The following CCDC91 variants were observed in gnomAD, a reference collection of about 807,000 sequenced individuals.
CCDC91 encodes the protein coiled-coil domain containing 91.
CCDC91 carries 48 observed loss-of-function variants against 63.2 expected under a neutral mutation model. That is an observed-to-expected ratio of 0.76 (90% CI 0.60 to 0.97). The LOEUF (loss-of-function observed/expected upper bound fraction) is 0.97, where lower values mean the gene tolerates loss of function less well. Ranked by LOEUF, CCDC91 falls within the 50% of genes least tolerant of loss-of-function variation. The pLI is 0.00. For missense variants in CCDC91, 500 were observed against 494.6 expected, an observed-to-expected ratio of 1.01 and a Z score of -0.10; for synonymous variants, 167 against 165.8, an observed-to-expected ratio of 1.01 and a Z score of -0.06.
In CCDC91 at chr12:28,459,774, ACTCT is replaced by A. The variant is rs1404126158; in HGVS notation, c.1101+7126_1101+7129del. On this transcript the variant is annotated intron_variant, in intron 11 of 12. Transcript: ENST00000536442. ...TTTTTAGGTCATAGTAAAGTAGTAC[ACTCT>A]CTCTCACTGGTCAAACGGAAGCATT... 9.2e-5 allele frequency among the ~76,000 whole-genome samples: 14 copies of A among 152,164 alleles called. No individual in the cohort carries two copies. In the East Asian group the frequency reaches 1.2e-3, roughly 13 times the overall value.
intron 7 of CCDC91, among the ~76,000 whole-genome samples, chr12:28,365,176 T>G (rs1944193733): frequency 6.6e-6 from 1 of 152,222 alleles, no homozygotes; most frequent in Non-Finnish European, 1.5e-5. Flanking sequence ...TTTACATTTC[T>G]CTTTAACTGA....
chr12:28,281,036 C>G (rs1948580688), intron 3 of CCDC91, among the ~76,000 whole-genome samples: 1 of 152,016 alleles, frequency 6.6e-6, no homozygotes, highest in Non-Finnish European at 1.5e-5. Flanking sequence ...GAGACTTGTA[C>G]TGTCCATTTT....
In CCDC91 at chr12:28,450,334, T is replaced by G. The variant is rs1316816391; in HGVS notation, c.856-16T>G. The G allele has an allele frequency of 6.2e-7, 1 of 1,608,856 alleles. No homozygotes were observed. The highest frequency in any genetic ancestry group is 8.5e-7 in the Non-Finnish European group (1 of 1,175,668). ...AATACATTTAATGTCTTTCCAACTG[T>G]TTTATCATTTGACAGGAAATATTGG... On this transcript the variant is annotated splice_polypyrimidine_tract_variant and intron_variant, in intron 9 of 12. Transcript: ENST00000536442.
chr12:28,257,150 A>T, intron 1 of CCDC91, 52 bp from the exon 2 acceptor site: 1 of 1,042,668 alleles, frequency 9.6e-7, no homozygotes, highest in Non-Finnish European at 1.5e-6. Context: ...GAGTATTTTG[A>T]CATAAATGAC....
At chr12:28,512,636 G>A (rs145902024) in intron 12 of CCDC91, among the ~76,000 whole-genome samples, 5 of 151,876 alleles carry the variant, frequency 3.3e-5, no homozygotes, top group African/African-American at 1.2e-4. Flanking sequence ...TTGAGTAGTT[G>A]TGATGGTGAC....
intron 6 of CCDC91, among the ~76,000 whole-genome samples, chr12:28,353,942 G>T (rs1292568755): frequency 6.6e-6 from 1 of 152,006 alleles, no homozygotes; most frequent in Non-Finnish European, 1.5e-5. Context: ...ACAACGAATG[G>T]GTAGTAGGCT....
At chr12:28,302,670 G>A (rs1592250230) in intron 3 of CCDC91, 5 of 981,994 alleles carry the variant, frequency 5.1e-6, no homozygotes, top group Non-Finnish European at 6.0e-6. Flanking sequence ...GCACTTAGTG[G>A]TATCATTTCT....
intron 6 of CCDC91, among the ~76,000 whole-genome samples, chr12:28,353,695 A>G (rs1943333332): frequency 6.6e-6 from 1 of 152,216 alleles, no homozygotes; most frequent in South Asian, 2.1e-4. Flanking sequence ...TGATATGGGC[A>G]TGGTTTGTGG....
At chr12:28,509,701 A>T (rs970515552) in intron 12 of CCDC91, among the ~76,000 whole-genome samples, 1 of 151,900 alleles carries the variant, frequency 6.6e-6, no homozygotes, top group African/African-American at 2.4e-5. Context: ...ATAGCCAGCT[A>T]GGTACTATTC....
At chr12:28,467,309 G>A (rs1950595406) in intron 11 of CCDC91, among the ~76,000 whole-genome samples, 1 of 152,160 alleles carries the variant, frequency 6.6e-6, no homozygotes, top group South Asian at 2.1e-4. Context: ...AAATGAGCAG[G>A]AGTAGCTATG....
chr12:28,480,081 CA>C lies in CCDC91; in HGVS notation c.1102-3969del, dbSNP rs537898053. On this transcript the variant is annotated intron_variant, in intron 11 of 12. Coordinates refer to ENST00000536442, the MANE Select transcript of CCDC91 (RefSeq NM_018318.5). ...AGCCTTTCTTTCTTTCCACTTTTCC[CA>C]AGAGAGCCTTCATCTGTAGCCAGAA... 1.7e-4 allele frequency among the ~76,000 whole-genome samples: 26 copies of C among 152,088 alleles called. No homozygotes were observed. In the South Asian group the frequency reaches 3.9e-3, roughly 23 times the overall value.
chr12:28,461,680 C>G (rs1950317895), intron 11 of CCDC91, among the ~76,000 whole-genome samples: 1 of 151,878 alleles, frequency 6.6e-6, no homozygotes, highest in African/African-American at 2.4e-5. Context: ...TAAAGCATGA[C>G]TTTTATATTT....
chr12:28,527,277 A>T (rs1941342118), intron 12 of CCDC91, among the ~76,000 whole-genome samples: 1 of 152,032 alleles, frequency 6.6e-6, no homozygotes, highest in Non-Finnish European at 1.5e-5. Flanking sequence ...TGTTCAGATT[A>T]TTTTGTCCCA....
At chr12:28,360,625 G>A (rs1366069825) in intron 6 of CCDC91, among the ~76,000 whole-genome samples, 1 of 152,012 alleles carries the variant, frequency 6.6e-6, no homozygotes, top group Non-Finnish European at 1.5e-5. Context: ...TATGTCACTA[G>A]GTTTAATTTG....
At chr12:28,207,024 A>C (rs2135464395) in intron 1 of CCDC91, among the ~76,000 whole-genome samples, 1 of 152,356 alleles carries the variant, frequency 6.6e-6, no homozygotes, top group African/African-American at 2.4e-5. Flanking sequence ...TTCATCTTTT[A>C]TCTCTCAAAG....
chr12:28,209,839 C>CT (rs1241381238), intron 1 of CCDC91, among the ~76,000 whole-genome samples: 1 of 152,194 alleles, frequency 6.6e-6, no homozygotes, highest in African/African-American at 2.4e-5. Flanking sequence ...CCCATGCTTT[C>CT]TTATAATCTT....
intron 1 of CCDC91, among the ~76,000 whole-genome samples, chr12:28,243,419 A>G (rs1357564044): frequency 1.3e-5 from 2 of 152,254 alleles, no homozygotes; most frequent in East Asian, 3.8e-4. Context: ...TGCCAAGGCA[A>G]CATAAAATTA....
chr12:28,334,485 A>G (rs1406424043), intron 6 of CCDC91, among the ~76,000 whole-genome samples: 1 of 152,104 alleles, frequency 6.6e-6, no homozygotes, highest in Non-Finnish European at 1.5e-5. Flanking sequence ...TGCCTATGGC[A>G]TCCTTTGTCT....
At chr12:28,286,206 C>G (rs1249746222) in intron 3 of CCDC91, among the ~76,000 whole-genome samples, 2 of 151,628 alleles carry the variant, frequency 1.3e-5, no homozygotes, top group East Asian at 3.9e-4. Flanking sequence ...TAAAATAAAG[C>G]TTCTTTTTAA....
Sources: gnomAD v4.1 joint callset for allele counts (sites outside exome capture counted in the v4.1 genomes callset) on GRCh38, gnomAD v4.1.1 for gene constraint, MANE v1.5 for transcripts, NCBI Gene and HGNC (gene_info 2026-07-23, HGNC 2026-07-21) for gene names.